The following FREM1 variants were observed in gnomAD, a reference collection of about 807,000 sequenced individuals.
The protein encoded by FREM1 is FRAS1-related extracellular matrix protein 1.
In FREM1, 220 loss-of-function variants were observed where a neutral mutation model predicts 210.1. The observed-to-expected ratio is 1.05, with a 90% confidence interval of 0.94 to 1.17. The LOEUF is 1.17. Among genes scored for constraint, FREM1 ranks in the 50% most tolerant of loss-of-function variants. The probability of loss-of-function intolerance (pLI) is 0.00; values close to 1 mark genes in which losing one functional copy is unlikely to be tolerated. For synonymous variants in FREM1, 1,189 were observed against 980.2 expected (o/e 1.21, Z -3.98); for missense variants, 3,454 against 2,675.5 (o/e 1.29, Z -6.42).
chr9:14,747,504 A>C (rs1247089434), intron 32 of FREM1, 76 bp from the exon 33 acceptor site: 2 of 1,436,220 alleles, frequency 1.4e-6, no homozygotes, highest in African/African-American at 2.8e-5. Context: ...TGAGCAATTC[A>C]AAAATTCAGT....
intron 27 of FREM1, among the ~76,000 whole-genome samples, chr9:14,767,751 A>T (rs1192788488): frequency 6.6e-6 from 1 of 152,164 alleles, no homozygotes; most frequent in Non-Finnish European, 1.5e-5. Flanking sequence ...TTCAAAAATG[A>T]TGATGATAAA....
At chr9:14,886,680 G>C (rs529044919) in intron 1 of FREM1, among the ~76,000 whole-genome samples, 2 of 152,046 alleles carry the variant, frequency 1.3e-5, no homozygotes, top group African/African-American at 2.4e-5. Flanking sequence ...TGGATGACTT[G>C]AGCCCAGGAG....
chr9:14,799,987 C>G (rs971689967), intron 20 of FREM1, among the ~76,000 whole-genome samples: 1 of 139,306 alleles, frequency 7.2e-6, no homozygotes, highest in Non-Finnish European at 1.5e-5. Flanking sequence ...GTGATGTTCC[C>G]CTTCCTGTGT....
intron 2 of FREM1, among the ~76,000 whole-genome samples, chr9:14,866,963 G>A (rs552744883): frequency 1.4e-4 from 22 of 151,824 alleles, no homozygotes; most frequent in Non-Finnish European, 2.6e-4. Flanking sequence ...GGGTTCAAGC[G>A]ATTCTTGTGT....
chr9:14,741,093 TA>T (rs1841494915), intron 35 of FREM1, among the ~76,000 whole-genome samples: 1 of 152,118 alleles, frequency 6.6e-6, no homozygotes, highest in South Asian at 2.1e-4. Flanking sequence ...CAATTAAACA[TA>T]AAATTAAATT....
chr9:14,818,546 C>A (rs780845225), intron 14 of FREM1, among the ~76,000 whole-genome samples: 1 of 152,116 alleles, frequency 6.6e-6, no homozygotes, highest in African/African-American at 2.4e-5. Flanking sequence ...TGGGTCTACC[C>A]GACCATTGCT....
At chr9:14,747,550 C>A (rs1842691366) in intron 32 of FREM1, 122 bp from the exon 33 acceptor site, 1 of 1,089,900 alleles carries the variant, frequency 9.2e-7, no homozygotes, top group Admixed American at 3.1e-5. Context: ...TTTCTCTGAA[C>A]ACCCAAGCCT....
chr9:14,792,859 C>A lies in FREM1; in HGVS notation c.3865G>T (p.Gly1289Cys). 6.3e-7 allele frequency: 1 copy of A among 1,587,580 alleles called. No homozygotes were observed. Among genetic ancestry groups the A allele is most frequent in the South Asian group, 1.2e-5 (1 of 86,108 alleles). ...GCACTGGAAATAATACGAGTTTCACCCATATTCATTGCAATTTCAGCCTTC... is the reference window on the plus strand; with the variant it reads ...GCACTGGAAATAATACGAGTTTCACACATATTCATTGCAATTTCAGCCTTC... ...SKKAEIAMNM[G>C]ETRIISSAIL... The change falls in exon 22 of 37, where the codon GGT becomes TGT. Residue 1289 changes from glycine (G) to cysteine (C), a missense_variant. By Grantham distance (159) the Gly-to-Cys change is radical. Coordinates refer to ENST00000380880, the MANE Select transcript of FREM1 (RefSeq NM_001379081.2).
chr9:14,819,603 G>A (rs899370619), intron 13 of FREM1, among the ~76,000 whole-genome samples, 161 bp from the exon 14 acceptor site: 5 of 152,166 alleles, frequency 3.3e-5, no homozygotes, highest in Non-Finnish European at 7.4e-5. Flanking sequence ...CATTTTGACT[G>A]AAAAATTTTT....
chr9:14,786,085 T>G (rs1305321994), intron 23 of FREM1, among the ~76,000 whole-genome samples: 1 of 152,190 alleles, frequency 6.6e-6, no homozygotes, highest in African/African-American at 2.4e-5. Context: ...CTACTCTATG[T>G]CAGGTACAGA....
intron 36 of FREM1, 83 bp from the exon 37 acceptor site, chr9:14,737,678 G>GAATATGTAAATA (rs1337237008): frequency 3.6e-5 from 41 of 1,123,730 alleles, no homozygotes; most frequent in Non-Finnish European, 4.7e-5. Flanking sequence ...TCTAAGCTCA[G>GAATATGTAAATA]TTATCACATG....
chr9:14,895,734 C>T (rs1333775232), intron 1 of FREM1, among the ~76,000 whole-genome samples: 1 of 151,924 alleles, frequency 6.6e-6, no homozygotes, highest in East Asian at 1.9e-4. Flanking sequence ...TTTGTTGGAA[C>T]TCCAGAGTTA....
intron 1 of FREM1, among the ~76,000 whole-genome samples, chr9:14,877,953 C>A (rs1303479194): frequency 2.0e-5 from 3 of 152,204 alleles, no homozygotes; most frequent in Non-Finnish European, 4.4e-5. Context: ...TATCCAGAAT[C>A]CAGCTACTTC....
At chr9:14,868,693 A>T (rs746840196) in intron 2 of FREM1, 51 bp downstream of exon 2, 3 of 1,145,228 alleles carry the variant, frequency 2.6e-6, no homozygotes, top group Non-Finnish European at 3.9e-6. Flanking sequence ...ACATTTTCAT[A>T]CACTTGCATT....
chr9:14,822,382 C>T (rs1044350218), intron 13 of FREM1, among the ~76,000 whole-genome samples: 2 of 152,134 alleles, frequency 1.3e-5, no homozygotes, highest in Non-Finnish European at 2.9e-5. Context: ...AAAGAGAACG[C>T]CAGTGCAGGC....
chr9:14,800,215 G>A (rs956221799), intron 20 of FREM1, among the ~76,000 whole-genome samples: 2 of 152,122 alleles, frequency 1.3e-5, no homozygotes, highest in African/African-American at 4.8e-5. Flanking sequence ...CAGAGAAGGA[G>A]TGGTTTGGAG....
intron 24 of FREM1, among the ~76,000 whole-genome samples, chr9:14,778,376 C>G (rs886154164): frequency 1.3e-5 from 2 of 151,586 alleles, no homozygotes; most frequent in East Asian, 3.9e-4. Context: ...CTTGGCTGGC[C>G]AAGGCGGGCA....
At chr9:14,763,162 T>C (rs1442767502) in intron 27 of FREM1, among the ~76,000 whole-genome samples, 1 of 152,158 alleles carries the variant, frequency 6.6e-6, no homozygotes, top group African/African-American at 2.4e-5. Context: ...TCCCTAAGCC[T>C]CTAAGTCAGG....
chr9:14,856,493 G>T (rs775228061), intron 5 of FREM1, among the ~76,000 whole-genome samples: 1 of 152,166 alleles, frequency 6.6e-6, no homozygotes, highest in Non-Finnish European at 1.5e-5. Flanking sequence ...CCCCTTAGGA[G>T]AAATCCCAGT....
Sources: allele counts gnomAD v4.1 joint callset (sites outside exome capture counted in the v4.1 genomes callset), GRCh38; gene constraint gnomAD v4.1.1; transcripts MANE v1.5; gene names NCBI Gene and HGNC (gene_info 2026-07-23, HGNC 2026-07-21).